The following SORCS1 variants were observed in gnomAD, a reference collection of about 807,000 sequenced individuals.
SORCS1 encodes sortilin related VPS10 domain containing receptor 1, also known as VPS10 domain-containing receptor SorCS1.
In SORCS1, 60 loss-of-function variants were observed where a neutral mutation model predicts 146.1. The ratio of observed to expected loss-of-function variants is 0.41; its 90% confidence interval spans 0.33 to 0.51. The LOEUF (loss-of-function observed/expected upper bound fraction) is 0.51, where lower values mean the gene tolerates loss of function less well. Ranked by LOEUF, SORCS1 falls within the 20% of genes least tolerant of loss-of-function variation. The probability of loss-of-function intolerance (pLI) is 0.21; values close to 1 mark genes in which losing one functional copy is unlikely to be tolerated. For missense variants in SORCS1, 1,352 were observed against 1,487.6 expected (o/e 0.91, Z 1.50); for synonymous variants, 637 against 584.0 (o/e 1.09, Z -1.31).
In SORCS1 at chr10:106,980,426, C is replaced by G. The variant is rs185410809; in HGVS notation, c.559-23846G>C. Among the ~76,000 whole-genome samples the G allele has an allele frequency of 2.6e-5, 4 of 152,346 alleles. No homozygotes were observed. In the East Asian group the frequency reaches 7.7e-4, roughly 29 times the overall value. ...TGGAGAACAATAGTAGGTAGAAATACTGGCAAAAATACCCTGGAGCAACTC... is the reference window on the plus strand; with the variant it reads ...TGGAGAACAATAGTAGGTAGAAATAGTGGCAAAAATACCCTGGAGCAACTC... On this transcript the variant is annotated intron_variant, in intron 1 of 25. Coordinates refer to ENST00000263054, the MANE Select transcript of SORCS1 (RefSeq NM_052918.5).
intron 3 of SORCS1, among the ~76,000 whole-genome samples, chr10:106,813,709 A>G (rs1247815435): frequency 6.6e-6 from 1 of 152,170 alleles, no homozygotes; most frequent in East Asian, 1.9e-4. Context: ...CTGAGGCAGG[A>G]GGATCACTTG....
chr10:106,589,474 C>A (rs974904946), intron 24 of SORCS1, among the ~76,000 whole-genome samples: 1 of 152,082 alleles, frequency 6.6e-6, no homozygotes, highest in African/African-American at 2.4e-5. Flanking sequence ...AGATTTAAAT[C>A]GGCAATTAAG....
At chr10:106,808,328 T>C (rs1218813416) in intron 3 of SORCS1, among the ~76,000 whole-genome samples, 1 of 152,150 alleles carries the variant, frequency 6.6e-6, no homozygotes, top group Non-Finnish European at 1.5e-5. Context: ...CGGTGCTGTT[T>C]TTAAATATTA....
At chr10:107,178,503 T>TA in the SORCS1 span, among the ~76,000 whole-genome samples, 6,650 of 131,180 alleles carry the variant, frequency 0.051, 168 homozygotes, top group African/African-American at 0.084. Context: ...TATATATATA[T>TA]TTTTTTTTAA....
intron 3 of SORCS1, among the ~76,000 whole-genome samples, chr10:106,800,777 G>A (rs1001705015): frequency 6.6e-6 from 1 of 152,072 alleles, no homozygotes; most frequent in South Asian, 2.1e-4. Context: ...TCCTGACCTT[G>A]TGATCTGCCT....
chr10:107,034,259 T>A (rs561741899), intron 1 of SORCS1, among the ~76,000 whole-genome samples: 35 of 152,230 alleles, frequency 2.3e-4, no homozygotes, highest in Middle Eastern at 3.4e-3. Flanking sequence ...TCAATACAGT[T>A]GGCCATGCTC....
At chr10:107,159,021 G>A (rs1477506688) in intron 1 of SORCS1, among the ~76,000 whole-genome samples, 2 of 151,722 alleles carry the variant, frequency 1.3e-5, no homozygotes, top group Non-Finnish European at 1.5e-5. Context: ...TGGGGGGGAA[G>A]GGGGGTCCAA....
chr10:106,955,104 C>T (rs773258018), intron 2 of SORCS1, among the ~76,000 whole-genome samples: 3 of 152,224 alleles, frequency 2.0e-5, no homozygotes, highest in Admixed American at 2.0e-4. Context: ...AGGTGAAACC[C>T]ACCCCCACCC....
At chr10:107,165,365 T>G (rs370573178), upstream of SORCS1, among the ~76,000 whole-genome samples, 2 of 151,818 alleles carry the variant, frequency 1.3e-5, no homozygotes, top group African/African-American at 4.8e-5. This position sits in a 1 kb window ranked among gnomAD's most constrained non-coding sequence, Gnocchi z 4.0. Context: ...AACGCTTAGA[T>G]TTCTCTCCTA....
intron 1 of SORCS1, among the ~76,000 whole-genome samples, chr10:106,986,604 T>C (rs572212166): frequency 6.6e-6 from 1 of 152,054 alleles, no homozygotes; most frequent in African/African-American, 2.4e-5. Flanking sequence ...ACTGGTACTC[T>C]ATGTACACAG....
chr10:106,729,983 C>A, intron 6 of SORCS1, 67 bp downstream of exon 6: 1 of 1,541,264 alleles, frequency 6.5e-7, no homozygotes, highest in Admixed American at 1.7e-5. Flanking sequence ...ATTACACAGA[C>A]TCAGTTCATG....
intron 24 of SORCS1, among the ~76,000 whole-genome samples, chr10:106,583,299 T>C (rs1282742535): frequency 6.6e-6 from 1 of 152,164 alleles, no homozygotes; most frequent in Non-Finnish European, 1.5e-5. Flanking sequence ...CAATGATACA[T>C]ACAACATTCC....
chr10:106,592,525 T>C (rs1451384952), intron 24 of SORCS1, among the ~76,000 whole-genome samples: 1 of 152,202 alleles, frequency 6.6e-6, no homozygotes, highest in Non-Finnish European at 1.5e-5. Context: ...ACCAACAACA[T>C]ACTCTGGCTC....
At chr10:106,658,256 C>T (rs1850455706) in intron 17 of SORCS1, among the ~76,000 whole-genome samples, 1 of 151,948 alleles carries the variant, frequency 6.6e-6, no homozygotes, top group South Asian at 2.1e-4. Flanking sequence ...CTTCTTTTGC[C>T]TGTGCTGTTC....
chr10:106,623,370 G>A (rs1015186980), intron 19 of SORCS1, among the ~76,000 whole-genome samples: 9 of 151,576 alleles, frequency 5.9e-5, no homozygotes, highest in African/African-American at 2.2e-4. Flanking sequence ...AGTCTCCCGA[G>A]TAGCTAGCTG....
chr10:107,003,868 A>T (rs1957320296), intron 1 of SORCS1, among the ~76,000 whole-genome samples: 4 of 152,084 alleles, frequency 2.6e-5, no homozygotes, highest in Admixed American at 2.6e-4. Context: ...AATCCACAAC[A>T]AATCCCTTTT....
intron 4 of SORCS1, among the ~76,000 whole-genome samples, chr10:106,772,393 T>C (rs1457637900): frequency 6.6e-6 from 1 of 152,080 alleles, no homozygotes. Context: ...AGCTTGCAGA[T>C]GGCAGATCTT....
chr10:106,688,132 T>A, intron 10 of SORCS1, 60 bp downstream of exon 10: 5 of 1,572,944 alleles, frequency 3.2e-6, no homozygotes, highest in Non-Finnish European at 4.3e-6. Context: ...CACCCTCTGT[T>A]AAATATCCAT....
At chr10:106,931,864 A>G (rs1953436769) in intron 2 of SORCS1, among the ~76,000 whole-genome samples, 1 of 152,216 alleles carries the variant, frequency 6.6e-6, no homozygotes, top group South Asian at 2.1e-4. Flanking sequence ...AATCAAAGGT[A>G]AGAGCAAAAA....
Sources: allele counts gnomAD v4.1 joint callset (sites outside exome capture counted in the v4.1 genomes callset), GRCh38; gene constraint gnomAD v4.1.1; non-coding constraint Gnocchi (gnomAD v3.1); transcripts MANE v1.5; gene names NCBI Gene and HGNC (gene_info 2026-07-23, HGNC 2026-07-21).